Variants in POLR3A observed in about 807,000 individuals in gnomAD.
The protein encoded by POLR3A is RNA polymerase III subunit A.
In POLR3A, 112 loss-of-function variants were observed where a neutral mutation model predicts 152.8. That is an observed-to-expected ratio of 0.73 (90% CI 0.63 to 0.86). The LOEUF (loss-of-function observed/expected upper bound fraction) is 0.86. Ranked by LOEUF, POLR3A falls within the 40% of genes least tolerant of loss-of-function variation. The pLI is 0.00. For synonymous variants in POLR3A, 615 were observed against 652.1 expected (o/e 0.94, Z 0.87); for missense variants, 1,385 against 1,743.1 (o/e 0.79, Z 3.66).
At chr10:78,021,057 C>T (rs1170407948) in intron 8 of POLR3A, among the ~76,000 whole-genome samples, 1 of 152,124 alleles carries the variant, frequency 6.6e-6, no homozygotes, top group African/African-American at 2.4e-5. Context: ...CTCCACCTTC[C>T]ATGCTCAAGC....
intron 15 of POLR3A, among the ~76,000 whole-genome samples, chr10:78,006,700 T>C (rs1368790257): frequency 6.6e-6 from 1 of 152,072 alleles, no homozygotes; most frequent in Non-Finnish European, 1.5e-5. Flanking sequence ...GACACACAGC[T>C]GCAGATTAAA....
chr10:78,025,189 A>G (rs759018996), intron 3 of POLR3A, 47 bp from the exon 4 acceptor site: 2 of 1,604,382 alleles, frequency 1.2e-6, no homozygotes, highest in Non-Finnish European at 1.7e-6. Context: ...TGAGAATGAA[A>G]AATTATTTTC....
At position 77,976,347 on chromosome 10, in the gene POLR3A, C is replaced by G. The variant is rs1847089033; in HGVS notation, c.*1131G>C. 6.6e-6 allele frequency: 1 copy of G among 152,118 alleles called. No individual in the cohort carries two copies. Among genetic ancestry groups the G allele is most frequent in the African/African-American group, 2.4e-5 (1 of 41,398 alleles). The allele number at this position is 152,118 out of a possible 1,614,324, so 9.4% of individuals were successfully genotyped here. On this transcript the variant is annotated 3_prime_UTR_variant, in exon 31 of 31. Coordinates refer to ENST00000372371, the MANE Select transcript of POLR3A (RefSeq NM_007055.4). ...GTTTCGTCATGTTGCCCAGGCTGCT[C>G]TCGAACTCCTGGGCTCAAGTGATCT...
chr10:77,995,746 G>C (rs1847293928), intron 19 of POLR3A, among the ~76,000 whole-genome samples: 1 of 152,158 alleles, frequency 6.6e-6, no homozygotes, highest in East Asian at 1.9e-4. Flanking sequence ...ACATTAGACA[G>C]AACAACGAGA....
intron 30 of POLR3A, among the ~76,000 whole-genome samples, chr10:77,979,001 C>T (rs965570920): frequency 1.3e-5 from 2 of 150,962 alleles, no homozygotes; most frequent in Non-Finnish European, 2.9e-5. Flanking sequence ...TAAATAGACA[C>T]GAGTTCTCAT....
rs1220135540 is a variant in POLR3A at position 78,007,718 on chromosome 10, C to G, written c.2058G>C (p.Leu686=). 4 of 1,613,906 alleles carry G rather than the reference C, an allele frequency of 2.5e-6. No individual in the cohort carries two copies. Among genetic ancestry groups the G allele is most frequent in the Non-Finnish European group, 3.4e-6 (4 of 1,179,934 alleles). ...GATACTTACACAGGTAGACAGGAGC[C>G]AGCCTGGCGAGCCGTGACATGGCAT... ...AADAMSRLAR[L]APVYLSNRGF... The change falls in exon 15 of 31, where the codon CTG becomes CTC. Residue 686 remains leucine, a synonymous_variant. Coordinates refer to ENST00000372371, the MANE Select transcript of POLR3A (RefSeq NM_007055.4).
intron 19 of POLR3A, 130 bp downstream of exon 19, chr10:77,999,851 A>G (rs1000806501): frequency 1.4e-5 from 13 of 914,720 alleles, no homozygotes; most frequent in Middle Eastern, 5.0e-4. Flanking sequence ...ACCTTTCTAC[A>G]TTTTTTCCTT....
chr10:77,979,206 A>G (rs1847116821), intron 30 of POLR3A, among the ~76,000 whole-genome samples: 1 of 152,192 alleles, frequency 6.6e-6, no homozygotes, highest in Admixed American at 6.5e-5. Flanking sequence ...TTAGAGGCAA[A>G]AAATGGGTAT....
At position 78,009,858 on chromosome 10, in the gene POLR3A, A is replaced by G. The variant is rs755543610; in HGVS notation, c.1770+6T>C. The G allele has an allele frequency of 5.0e-5, 81 of 1,613,826 alleles. No homozygotes were observed. The highest frequency in any genetic ancestry group is 6.1e-5 in the Non-Finnish European group (72 of 1,179,944). ...CTGTGCACCAACACACAACTCCCACACACACCTTTAGGATTGTAGGCGGTG... is the reference window on the plus strand; with the variant it reads ...CTGTGCACCAACACACAACTCCCACGCACACCTTTAGGATTGTAGGCGGTG... On this transcript the variant is annotated splice_donor_region_variant and intron_variant, in intron 13 of 30. Coordinates refer to ENST00000372371, the MANE Select transcript of POLR3A (RefSeq NM_007055.4).
chr10:77,990,488 G>GA (rs1203856735), intron 21 of POLR3A, among the ~76,000 whole-genome samples: 1 of 151,994 alleles, frequency 6.6e-6, no homozygotes, highest in Non-Finnish European at 1.5e-5. Context: ...TCTAACAGGG[G>GA]AAAAAAACAT....
chr10:78,004,977 G>T (rs777186982), intron 15 of POLR3A, 89 bp from the exon 16 acceptor site: 1 of 983,598 alleles, frequency 1.0e-6, no homozygotes, highest in Non-Finnish European at 1.6e-6. Context: ...GATATAGTTT[G>T]TACTATATAT....
At chr10:78,008,788 T>C (rs548040215) in intron 14 of POLR3A, among the ~76,000 whole-genome samples, 2 of 151,792 alleles carry the variant, frequency 1.3e-5, no homozygotes, top group South Asian at 4.2e-4. Flanking sequence ...GGTGGGACGA[T>C]TGCTTGAGCC....
rs918824350 is a variant in POLR3A, at chr10:78,024,745, T to A, written c.491-42A>T. 3 of 1,562,170 alleles carry A rather than the reference T, an allele frequency of 1.9e-6. No individual in the cohort carries two copies. In the African/African-American group the frequency reaches 4.1e-5, roughly 21 times the overall value. ...ATTTACCAAGAAATAAAAAATTATGTTCTCAGATTGGCCAGAGATTGTAGT... is the reference window on the plus strand; with the variant it reads ...ATTTACCAAGAAATAAAAAATTATGATCTCAGATTGGCCAGAGATTGTAGT... On this transcript the variant is annotated intron_variant, in intron 4 of 30. Coordinates refer to ENST00000372371, the MANE Select transcript of POLR3A (RefSeq NM_007055.4).
At chr10:78,004,996 T>C (rs1847397155) in intron 15 of POLR3A, 108 bp from the exon 16 acceptor site, 2 of 838,240 alleles carry the variant, frequency 2.4e-6, no homozygotes, top group Admixed American at 1.9e-5. Context: ...ATAAACTATG[T>C]ATGTATAGTT....
At position 77,996,589 on chromosome 10, in the gene POLR3A, A is replaced by G. The variant is rs1431341784; in HGVS notation, c.2617-3222T>C. On this transcript the variant is annotated intron_variant, in intron 19 of 30. Transcript: ENST00000372371. ...GAAATGGATAAATTCCTCGACACAT[A>G]CATCCTCCCAAGACTAAACCAGGAA... is the stretch of plus-strand genomic sequence containing the variant. Among the ~76,000 whole-genome samples, 3 of 152,128 alleles carry G rather than the reference A, an allele frequency of 2.0e-5. No homozygotes were observed. In the East Asian group the frequency reaches 5.8e-4, roughly 29 times the overall value.
At chr10:77,983,743 A>G (rs1019236865) in intron 26 of POLR3A, among the ~76,000 whole-genome samples, 177 bp downstream of exon 26, 4 of 152,212 alleles carry the variant, frequency 2.6e-5, no homozygotes, top group African/African-American at 9.6e-5. Flanking sequence ...GTATATTTGT[A>G]TCAAGGTCAG....
At chr10:77,993,155 C>T in intron 20 of POLR3A, 42 bp downstream of exon 20, 1 of 1,503,618 alleles carries the variant, frequency 6.7e-7, no homozygotes, top group Non-Finnish European at 9.3e-7. Context: ...AAAGAAACAT[C>T]CTTAAAAACA....
At chr10:78,012,400 GA>G (rs1410627024) in intron 11 of POLR3A, among the ~76,000 whole-genome samples, 1 of 150,690 alleles carries the variant, frequency 6.6e-6, no homozygotes, top group Non-Finnish European at 1.5e-5. Flanking sequence ...AAAAGAAAAA[GA>G]AAAAAAATCT....
intron 23 of POLR3A, 131 bp from the exon 24 acceptor site, chr10:77,985,471 C>T (rs1242234619): frequency 1.3e-6 from 1 of 757,828 alleles, no homozygotes; most frequent in Admixed American, 2.1e-5. Flanking sequence ...AAGGGTATGT[C>T]TGTGACAGAG....
Sources: allele counts gnomAD v4.1 joint callset (sites outside exome capture counted in the v4.1 genomes callset), GRCh38; gene constraint gnomAD v4.1.1; transcripts MANE v1.5; gene names NCBI Gene and HGNC (gene_info 2026-07-23, HGNC 2026-07-21).